Variants in CBX3 observed in about 807,000 individuals in gnomAD.
The protein encoded by CBX3 is chromobox protein homolog 3.
In CBX3, 5 loss-of-function variants were observed where a neutral mutation model predicts 22.6. The observed-to-expected ratio is 0.22, with a 90% CI of 0.12 to 0.47. CBX3 has a LOEUF of 0.47. Ranked by LOEUF, CBX3 falls within the 20% of genes least tolerant of loss-of-function variation. The pLI is 0.99. For synonymous variants in CBX3, 50 were observed against 66.6 expected (o/e 0.75, Z 1.21); for missense variants, 83 against 208.1 (o/e 0.40, Z 3.70).
intron 5 of CBX3, 45 bp from the exon 6 acceptor site, chr7:26,212,037 G>T: frequency 6.8e-7 from 1 of 1,460,110 alleles, no homozygotes; most frequent in South Asian, 1.6e-5. Flanking sequence ...CGGTTGACAT[G>T]AACAACTTCG....
At chr7:26,211,354 T>C (rs1325552334) in intron 4 of CBX3, among the ~76,000 whole-genome samples, 2 of 152,222 alleles carry the variant, frequency 1.3e-5, no homozygotes, top group Non-Finnish European at 2.9e-5. Context: ...GACTTTATTA[T>C]TACCAGAAAT....
chr7:26,202,801 A>C (rs1784579231), intron 1 of CBX3, 170 bp from the exon 2 acceptor site: 1 of 619,254 alleles, frequency 1.6e-6, no homozygotes, highest in Non-Finnish European at 2.9e-6. Context: ...TAGGACACGT[A>C]CTTAAGTACA....
intron 2 of CBX3, chr7:26,206,072 A>G (rs931267109): frequency 3.8e-5 from 10 of 263,160 alleles, no homozygotes; most frequent in Admixed American, 1.1e-4. Flanking sequence ...CCTGGGCGAC[A>G]AGAGTGTGAG....
At chr7:26,206,243 T>C in intron 2 of CBX3, 125 bp from the exon 3 acceptor site, 1 of 618,332 alleles carries the variant, frequency 1.6e-6, no homozygotes, top group Non-Finnish European at 2.8e-6. Context: ...CCAGAAGGTG[T>C]CTGCCCTGGG....
intron 1 of CBX3, chr7:26,202,718 C>T (rs1053434923): frequency 6.6e-6 from 3 of 453,478 alleles, no homozygotes; most frequent in South Asian, 5.9e-5. Context: ...AGACATTGGT[C>T]CCCTATTTTA....
At chr7:26,202,257 C>T (rs995149474) in intron 1 of CBX3, 6 of 152,046 alleles carry the variant, frequency 3.9e-5, no homozygotes. Flanking sequence ...GCGGCGACCG[C>T]CCAGTTAACG....
intron 3 of CBX3, among the ~76,000 whole-genome samples, chr7:26,207,653 G>A (rs1784709496): frequency 6.6e-6 from 1 of 151,946 alleles, no homozygotes; most frequent in African/African-American, 2.4e-5. Flanking sequence ...TGAGTAGCTG[G>A]GACTACAGGC....
intron 3 of CBX3, among the ~76,000 whole-genome samples, chr7:26,207,396 T>C (rs949790882): frequency 6.6e-6 from 1 of 152,188 alleles, no homozygotes; most frequent in African/African-American, 2.4e-5. Context: ...ACATGAAAAA[T>C]TATTTTTACC....
At chr7:26,207,096 C>G (rs11981735) in intron 3 of CBX3, among the ~76,000 whole-genome samples, 2,860 of 152,210 alleles carry the variant, frequency 0.019, 92 homozygotes, top group African/African-American at 0.066. Flanking sequence ...TTGTGCTTAT[C>G]TGCTTTGATT....
intron 2 of CBX3, among the ~76,000 whole-genome samples, chr7:26,203,696 C>T (rs541892179): frequency 4.6e-5 from 7 of 151,944 alleles, no homozygotes; most frequent in Non-Finnish European, 8.8e-5. Context: ...TTCAAAGTTA[C>T]AGTTTTCACA....
intron 2 of CBX3, chr7:26,206,154 G>T: frequency 2.2e-6 from 1 of 463,718 alleles, no homozygotes; most frequent in East Asian, 3.7e-5. Context: ...GTATTATTTT[G>T]GTGGTGGGTT....
chr7:26,205,056 T>C (rs1451712209), intron 2 of CBX3, among the ~76,000 whole-genome samples: 1 of 152,222 alleles, frequency 6.6e-6, no homozygotes, highest in African/African-American at 2.4e-5. Context: ...CCCAAAGTGC[T>C]GGGATTACAG....
chr7:26,206,554 T>C, intron 3 of CBX3, 44 bp downstream of exon 3: 1 of 1,585,858 alleles, frequency 6.3e-7, no homozygotes, highest in Non-Finnish European at 8.6e-7. Flanking sequence ...TAACTGCAGC[T>C]AAGTGGTTTT....
At position 26,213,167 on chromosome 7, in the gene CBX3, A is replaced by C. The variant is rs780776847; in HGVS notation, c.*959A>C. Reference sequence around the variant, plus strand: ...CAACCTTTTGTAACCTAACCTATTGACCTGCATGTTTTTTCTTTACCCCAA... The same window carrying C: ...CAACCTTTTGTAACCTAACCTATTGCCCTGCATGTTTTTTCTTTACCCCAA... On this transcript the variant is annotated 3_prime_UTR_variant, in exon 6 of 6. Coordinates refer to ENST00000396386, the MANE Select transcript of CBX3 (RefSeq NM_016587.4). 1 of 152,684 alleles carries C rather than the reference A, an allele frequency of 6.5e-6. No homozygotes were observed. Among genetic ancestry groups the C allele is most frequent in the African/African-American group, 2.4e-5 (1 of 41,464 alleles). 9.5% of individuals were successfully genotyped at this position (152,684 alleles called of 1,614,324 possible). A position where few individuals can be genotyped will look rare whatever the true frequency, so the allele number is the denominator to read the frequency against.
At chr7:26,211,868 T>C (rs1784808359) in intron 5 of CBX3, 112 bp downstream of exon 5, 2 of 907,304 alleles carry the variant, frequency 2.2e-6, no homozygotes, top group South Asian at 1.8e-5. Flanking sequence ...AGAGGATGAT[T>C]CTGGTTACTT....
chr7:26,209,007 C>T (rs1159018539), intron 4 of CBX3, among the ~76,000 whole-genome samples: 2 of 121,222 alleles, frequency 1.6e-5, no homozygotes, highest in African/African-American at 6.3e-5. Flanking sequence ...GGTGCAGTTT[C>T]GGCTCACTGC....
At chr7:26,208,258 A>T (rs907060836) in intron 3 of CBX3, 135 bp from the exon 4 acceptor site, 1 of 606,026 alleles carries the variant, frequency 1.7e-6, no homozygotes, top group African/African-American at 1.8e-5. Context: ...TAATGTAGGG[A>T]AGGAGGAAAT....
intron 4 of CBX3, chr7:26,210,710 T>A (rs546981912): frequency 1.4e-4 from 22 of 152,362 alleles, no homozygotes; most frequent in African/African-American, 4.6e-4. Context: ...TTAAAACAAA[T>A]TTCTAAAATG....
At chr7:26,204,678 T>C (rs1275524606) in intron 2 of CBX3, among the ~76,000 whole-genome samples, 2 of 152,224 alleles carry the variant, frequency 1.3e-5, no homozygotes, top group African/African-American at 2.4e-5. Flanking sequence ...GAAATGTCCT[T>C]CTGTAGCCTT....
Sources: allele counts gnomAD v4.1 joint callset (sites outside exome capture counted in the v4.1 genomes callset), GRCh38; gene constraint gnomAD v4.1.1; transcripts MANE v1.5; gene names NCBI Gene and HGNC (gene_info 2026-07-23, HGNC 2026-07-21).